The following MGAT1 variants were observed in gnomAD, a reference collection of about 807,000 sequenced individuals.
The protein encoded by MGAT1 is alpha-1,3-mannosyl-glycoprotein 2-beta-N-acetylglucosaminyltransferase.
MGAT1 carries 14 observed loss-of-function variants against 31.7 expected under a neutral mutation model. The ratio of observed to expected loss-of-function variants is 0.44; its 90% CI spans 0.29 to 0.69. The LOEUF is 0.69. MGAT1 is among the 30% of genes least tolerant of loss of function. MGAT1 has a pLI of 0.12. For missense variants in MGAT1, 557 were observed against 626.0 expected, an observed-to-expected ratio of 0.89 and a Z score of 1.18; for synonymous variants, 338 against 276.0, an observed-to-expected ratio of 1.22 and a Z score of -2.23.
chr5:180,806,746 A>G (rs1357602329), upstream of MGAT1, among the ~76,000 whole-genome samples: 1 of 152,212 alleles, frequency 6.6e-6, no homozygotes, highest in Non-Finnish European at 1.5e-5. Context: ...AACAGACAAA[A>G]CAGATTGACT....
upstream of MGAT1, chr5:180,803,833 G>A (rs1001057401): frequency 6.6e-6 from 1 of 152,474 alleles, no homozygotes; most frequent in Admixed American, 6.5e-5. Flanking sequence ...CAGGCGGTGA[G>A]GGTGGGTAGC....
rs987752424 is a variant in MGAT1 at position 180,787,257 on chromosome 5, G to A, written c.*4377C>T. On this transcript the variant is annotated 3_prime_UTR_variant, in exon 2 of 2. Transcript: ENST00000307826. ...ACATCGGCCACCAGGCTGGTCTCCA[G>A]GAAATAGGGCCCTGGTGTCTACTTC... is the stretch of plus-strand genomic sequence containing the variant. The A allele has an allele frequency of 6.6e-5, 10 of 152,306 alleles. No homozygotes were observed. The highest frequency in any genetic ancestry group is 3.3e-4 in the Admixed American group (5 of 15,286). The allele number at this position is 152,306 out of a possible 1,614,324, so 9.4% of individuals were successfully genotyped here.
In MGAT1 at chr5:180,793,089, G is replaced by T; in HGVS notation, c.-118C>A. ...CTCTGGACTATGGGATTAGGAGGCAGCCATGCACCTAAAGACAGGAGAGAG... is the reference window on the plus strand; with the variant it reads ...CTCTGGACTATGGGATTAGGAGGCATCCATGCACCTAAAGACAGGAGAGAG... On this transcript the variant is annotated 5_prime_UTR_variant, in exon 2 of 2. The change creates a new upstream start codon in the 5' untranslated region. Transcript: ENST00000307826. 1 of 1,214,416 alleles carries T rather than the reference G, an allele frequency of 8.2e-7. No individual in the cohort carries two copies. The highest frequency in any genetic ancestry group is 1.1e-6 in the Non-Finnish European group (1 of 877,838). 75.2% of individuals were successfully genotyped at this position (1,214,416 alleles called of 1,614,324 possible). A position where few individuals can be genotyped will look rare whatever the true frequency, so the allele number is the denominator to read the frequency against.
chr5:180,810,407 G>A (rs909367756), intron 1 of MGAT1: 34 of 152,774 alleles, frequency 2.2e-4, no homozygotes, highest in African/African-American at 7.5e-4. Flanking sequence ...TGAGAAGGAA[G>A]CCGGGCGCAG....
At position 180,792,255 on chromosome 5, in the gene MGAT1, C is replaced by T. The variant is rs753539042; in HGVS notation, c.717G>A (p.Ser239=). The change falls in exon 2 of 2, where the codon TCG becomes TCA. Residue 239 remains serine, a synonymous_variant. Coordinates refer to ENST00000307826, the MANE Select transcript of MGAT1 (RefSeq NM_002406.4). Reference sequence around the variant, plus strand: ...GCTCCTTGCCGTTGTCATTCCAGGCCGAGACGCACCACAGGGAGGGGTCGG... The same window carrying T: ...GCTCCTTGCCGTTGTCATTCCAGGCTGAGACGCACCACAGGGAGGGGTCGG... The part of the protein sequence containing the change: ...LKADPSLWCV[S]AWNDNGKEQM... 2.5e-6 allele frequency: 4 copies of T among 1,613,058 alleles called. No individual in the cohort carries two copies. Among genetic ancestry groups the T allele is most frequent in the Non-Finnish European group, 3.4e-6 (4 of 1,179,960 alleles).
chr5:180,785,760 C>A lies in MGAT1; in HGVS notation c.*5874G>T, dbSNP rs77764847. The A allele has an allele frequency of 0.062, 9,480 of 152,388 alleles. 551 individuals are homozygous for A. The highest frequency in any genetic ancestry group is 0.14 in the African/African-American group (5,931 of 41,576). The allele number at this position is 152,388 out of a possible 1,614,324, so 9.4% of individuals were successfully genotyped here. ...ACTCCTGATCCTGAAAGGTTTTGCC[C>A]TTTTCCTAAATAGAAACTCTGAAAA... On this transcript the variant is annotated 3_prime_UTR_variant, in exon 2 of 2. Transcript: ENST00000307826.
intron 1 of MGAT1, among the ~76,000 whole-genome samples, chr5:180,812,213 G>A (rs539762482): frequency 1.3e-5 from 2 of 152,330 alleles, no homozygotes; most frequent in East Asian, 3.9e-4. Flanking sequence ...CACATTTGTG[G>A]AATAAATGAA....
At chr5:180,811,393 G>C (rs78102637) in intron 1 of MGAT1, 3 of 152,124 alleles carry the variant, frequency 2.0e-5, no homozygotes, top group Non-Finnish European at 4.4e-5. Context: ...TATTGCTTGG[G>C]ATATATTATT....
Position 180,792,391 on chromosome 5 carries a change from C to T in MGAT1, c.581G>A (p.Gly194Asp). The change falls in exon 2 of 2, where the codon GGC becomes GAC. Residue 194 changes from glycine to aspartate, a missense_variant. By Grantham distance (94) the Gly-to-Asp change is moderately conservative (BLOSUM62 -1). Coordinates refer to ENST00000307826, the MANE Select transcript of MGAT1 (RefSeq NM_002406.4). ...KIARHYRWALGQVFRQFRFPA... is the reference protein window; with the variant it reads ...KIARHYRWALDQVFRQFRFPA... ...GAAGCGAAACTGCCGGAAGACCTGGCCCAGCGCCCAGCGGTAGTGGCGCGC... is the reference window on the plus strand; with the variant it reads ...GAAGCGAAACTGCCGGAAGACCTGGTCCAGCGCCCAGCGGTAGTGGCGCGC... 6.2e-7 allele frequency: 1 copy of T among 1,610,196 alleles called. No individual in the cohort carries two copies. The highest frequency in any genetic ancestry group is 8.5e-7 in the Non-Finnish European group (1 of 1,177,648).
intron 1 of MGAT1, among the ~76,000 whole-genome samples, chr5:180,801,101 T>A (rs1038326549): frequency 1.3e-5 from 2 of 152,220 alleles, no homozygotes; most frequent in African/African-American, 2.4e-5. Context: ...CCTATGGGGC[T>A]CACTCAGTTT....
At chr5:180,811,484 TGGC>T (rs1305494622) in intron 1 of MGAT1, 2 of 152,228 alleles carry the variant, frequency 1.3e-5, no homozygotes, top group Non-Finnish European at 2.9e-5. Context: ...TGGGCATTAA[TGGC>T]GGCTCCATTT....
In MGAT1 at chr5:180,793,024, G is replaced by GCTTGCCCGGCTCC; in HGVS notation, c.-66_-54dup. The GCTTGCCCGGCTCC allele has an allele frequency of 6.3e-7, 1 of 1,599,036 alleles. No individual in the cohort carries two copies. Reference sequence around the variant, plus strand: ...AGGGGACGGTTCAAGGCTGCCCTGGGCTTGCCCGGCTCCCTTGCCCGCAGT... The same window carrying GCTTGCCCGGCTCC: ...AGGGGACGGTTCAAGGCTGCCCTGGGCTTGCCCGGCTCCCTTGCCCGGCTCCCTTGCCCGCAGT... On this transcript the variant is annotated 5_prime_UTR_variant, in exon 2 of 2. Transcript: ENST00000307826.
chr5:180,794,512 C>T (rs1232841720), intron 1 of MGAT1, among the ~76,000 whole-genome samples: 1 of 151,828 alleles, frequency 6.6e-6, no homozygotes, highest in African/African-American at 2.4e-5. Context: ...AGAATTTAAG[C>T]TCCAGAAACA....
At chr5:180,801,867 T>C (rs183533110) in intron 1 of MGAT1, among the ~76,000 whole-genome samples, 18 of 152,232 alleles carry the variant, frequency 1.2e-4, no homozygotes, top group African/African-American at 3.9e-4. Flanking sequence ...ACAGTGAGAA[T>C]GAGACACAGA....
At chr5:180,806,057 GCAGA>G (rs1434967538), upstream of MGAT1, among the ~76,000 whole-genome samples, 1 of 152,180 alleles carries the variant, frequency 6.6e-6, no homozygotes, top group Non-Finnish European at 1.5e-5. Context: ...GGAAGCTAAG[GCAGA>G]CAGATCACAA....
At chr5:180,799,650 G>A (rs1770280534) in intron 1 of MGAT1, among the ~76,000 whole-genome samples, 1 of 152,220 alleles carries the variant, frequency 6.6e-6, no homozygotes, top group Non-Finnish European at 1.5e-5. Flanking sequence ...CAGGGAGAAA[G>A]ATGGCCAACG....
chr5:180,802,420 A>AG (rs1771019992), intron 1 of MGAT1, among the ~76,000 whole-genome samples: 1 of 151,360 alleles, frequency 6.6e-6, no homozygotes, highest in African/African-American at 2.4e-5. Context: ...CATCCTCCCC[A>AG]GTCCGCGGAG....
In MGAT1 at chr5:180,788,990, T is replaced by C. The variant is rs1215896513; in HGVS notation, c.*2644A>G. 1.3e-5 allele frequency: 2 copies of C among 152,232 alleles called. No individual in the cohort carries two copies. The highest frequency in any genetic ancestry group is 2.9e-5 in the Non-Finnish European group (2 of 68,054). The allele number at this position is 152,232 out of a possible 1,614,324, so 9.4% of individuals were successfully genotyped here. Reference sequence around the variant, plus strand: ...CACCGGAAAGGGCACAATGCAGCTATCGCCGGGCCGATTCCACGTCTGAAA... The same window carrying C: ...CACCGGAAAGGGCACAATGCAGCTACCGCCGGGCCGATTCCACGTCTGAAA... On this transcript the variant is annotated 3_prime_UTR_variant, in exon 2 of 2. Coordinates refer to ENST00000307826, the MANE Select transcript of MGAT1 (RefSeq NM_002406.4).
chr5:180,803,581 C>T (rs768351485), upstream of MGAT1: 1 of 152,322 alleles, frequency 6.6e-6, no homozygotes, highest in African/African-American at 2.4e-5. Flanking sequence ...GAGGGAGGGA[C>T]AGCTCTTCCA....
Sources: gnomAD v4.1 joint callset for allele counts (sites outside exome capture counted in the v4.1 genomes callset) on GRCh38, gnomAD v4.1.1 for gene constraint, MANE v1.5 for transcripts, NCBI Gene and HGNC (gene_info 2026-07-23, HGNC 2026-07-21) for gene names.